Variants in HMGN4 observed in about 807,000 individuals in gnomAD.
HMGN4 encodes high mobility group nucleosome-binding domain-containing protein 4.
For missense variants in HMGN4, 69 were observed against 104.9 expected, an observed-to-expected ratio of 0.66 and a Z score of 1.49; for synonymous variants, 39 against 39.1, an observed-to-expected ratio of 1.00 and a Z score of 0.01.
Position 26,545,304 on chromosome 6 carries a change from C to T in HMGN4, c.98C>T (p.Ala33Val), listed in dbSNP as rs34905463. ...TCAGCTCGGTTGTCTGCTAAACCAG[C>T]TCCTCCAAAACCAGAGCCCAGGCCT... ...RRSARLSAKP[A>V]PPKPEPRPKK... Residue 33 changes from alanine (A) to valine (V), a missense_variant, in exon 2 of 2, where the codon GCT (alanine) becomes GTT (valine). By Grantham distance (64) the Ala-to-Val change is moderately conservative. Transcript: ENST00000377575. 585 of 1,614,152 alleles carry T rather than the reference C, an allele frequency of 3.6e-4. 2 individuals carry two copies. In the African/African-American group the frequency reaches 6.3e-3, roughly 18 times the overall value.
At position 26,546,646 on chromosome 6, in the gene HMGN4, A is replaced by G. The variant is rs953482470; in HGVS notation, c.*1167A>G. 6.6e-6 allele frequency among the ~76,000 whole-genome samples: 1 copy of G among 152,128 alleles called. No individual in the cohort carries two copies. The highest frequency in any genetic ancestry group is 2.4e-5 in the African/African-American group (1 of 41,410). On this transcript the variant is annotated 3_prime_UTR_variant, in exon 2 of 2. Transcript: ENST00000377575. ...CCACATTTTGTCATAATTGTAACCA[A>G]TTTCACCTCTGTCTCCAGTATCACC... is the stretch of plus-strand genomic sequence containing the variant.
intron 1 of HMGN4, among the ~76,000 whole-genome samples, chr6:26,538,974 T>C (rs373238084): frequency 1.6e-3 from 247 of 152,322 alleles, no homozygotes; most frequent in Non-Finnish European, 2.9e-3. Context: ...GACCTTTTGC[T>C]ATTCCATCAC....
At position 26,543,421 on chromosome 6, in the gene HMGN4, C is replaced by CTT. The variant is rs70977285; in HGVS notation, c.-80-1689_-80-1688dup. On this transcript the variant is annotated intron_variant, in intron 1 of 1. Transcript: ENST00000377575. Reference sequence around the variant, plus strand: ...CTGTATGTCTCAGTGGCACCATTACCTTTTTTTTTTTTTTTTTTGAAGCAG... The same window carrying CTT: ...CTGTATGTCTCAGTGGCACCATTACCTTTTTTTTTTTTTTTTTTTTGAAGCAG... Among the ~76,000 whole-genome samples, 64 of 80,136 alleles carry CTT rather than the reference C, an allele frequency of 8.0e-4. 4 individuals carry two copies. The highest frequency in any genetic ancestry group is 3.2e-3 in the African/African-American group (56 of 17,692). The allele number at this position is 80,136 out of a possible 152,430, so 52.6% of individuals were successfully genotyped here. A position where few individuals can be genotyped will look rare whatever the true frequency, so the allele number is the denominator to read the frequency against.
chr6:26,539,099 C>T (rs749628512), intron 1 of HMGN4, among the ~76,000 whole-genome samples: 4 of 152,190 alleles, frequency 2.6e-5, no homozygotes, highest in Non-Finnish European at 5.9e-5. Context: ...ACAAGTTAAT[C>T]GGATTAATCA....
At chr6:26,543,958 C>T (rs1004201494) in intron 1 of HMGN4, among the ~76,000 whole-genome samples, 5 of 152,036 alleles carry the variant, frequency 3.3e-5, no homozygotes, top group African/African-American at 1.2e-4. Context: ...TGAATGCCAG[C>T]CCTAGGCCTA....
chr6:26,538,552 T>TG (rs397729862), intron 1 of HMGN4, 51 bp downstream of exon 1: 71,704 of 151,628 alleles, frequency 0.47, 17,110 homozygotes, highest in East Asian at 0.69. Flanking sequence ...AGGGGCGTGG[T>TG]GGGGGGGGTC....
chr6:26,544,000 C>A (rs1764319978), intron 1 of HMGN4, among the ~76,000 whole-genome samples: 1 of 152,068 alleles, frequency 6.6e-6, no homozygotes, highest in East Asian at 1.9e-4. Context: ...AACTATTTTC[C>A]ATTTCCTACC....
intron 1 of HMGN4, 57 bp from the exon 2 acceptor site, chr6:26,545,070 C>T (rs1267662183): frequency 8.1e-6 from 5 of 616,612 alleles, no homozygotes; most frequent in African/African-American, 3.8e-5. Flanking sequence ...TGATTTTTAA[C>T]GTTTACATTC....
intron 1 of HMGN4, among the ~76,000 whole-genome samples, chr6:26,540,386 G>T (rs1405099768): frequency 6.6e-6 from 1 of 150,892 alleles, no homozygotes; most frequent in African/African-American, 2.4e-5. Flanking sequence ...CCAGGCTGGA[G>T]TGCAGTGGCA....
rs142518878 is a variant in HMGN4, at chr6:26,545,417, A to G, written c.211A>G (p.Lys71Glu). 1.9e-6 allele frequency: 3 copies of G among 1,609,774 alleles called. No homozygotes were observed. The highest frequency in any genetic ancestry group is 2.7e-5 in the African/African-American group (2 of 74,434). The change falls in exon 2 of 2, where the codon AAA becomes GAA. Residue 71 changes from lysine to glutamate, a missense_variant. By Grantham distance (56) the Lys-to-Glu change is moderately conservative. Transcript: ENST00000377575. ...TGGAAAGGATGGGAACAACCCTGCA[A>G]AAAACCGAGATGCCTCTACACTCCA... ...DAGKDGNNPA[K>E]NRDASTLQSQ... is the part of the protein sequence containing the mutation.
Position 26,545,326 on chromosome 6 carries a change from GCCT to G in HMGN4, c.121_123del (p.Pro41del). On this transcript the variant is annotated inframe_deletion, in exon 2 of 2. Coordinates refer to ENST00000377575, the MANE Select transcript of HMGN4 (RefSeq NM_006353.3). ...CAGCTCCTCCAAAACCAGAGCCCAG[GCCT>G]AAAAAGGCCTCTGCAAAGAAGGGAG... 6.2e-7 allele frequency: 1 copy of G among 1,614,124 alleles called. No individual in the cohort carries two copies. The highest frequency in any genetic ancestry group is 8.5e-7 in the Non-Finnish European group (1 of 1,180,014).
rs748353798 is a variant in HMGN4 at position 26,545,286 on chromosome 6, G to T, written c.80G>T (p.Arg27Leu). 4.3e-6 allele frequency: 7 copies of T among 1,613,976 alleles called. No homozygotes were observed. The highest frequency in any genetic ancestry group is 5.9e-6 in the Non-Finnish European group (7 of 1,180,032). The part of the protein sequence containing the change: ...VKDEPQRRSA[R>L]LSAKPAPPKP... ...GATGAGCCACAGAGGAGATCAGCTC[G>T]GTTGTCTGCTAAACCAGCTCCTCCA... The change falls in exon 2 of 2, where the codon CGG (arginine) becomes CTG (leucine). Residue 27 changes from arginine (R) to leucine (L), a missense_variant. Physicochemically the swap from Arg to Leu is moderately radical, Grantham distance 102. Transcript: ENST00000377575.
rs1764293127 is a variant in HMGN4 at position 26,542,121 on chromosome 6, T to A, written c.-80-3006T>A. Among the ~76,000 whole-genome samples, 1 of 152,204 alleles carries A rather than the reference T, an allele frequency of 6.6e-6. No individual in the cohort carries two copies. The highest frequency in any genetic ancestry group is 1.5e-5 in the Non-Finnish European group (1 of 68,020). On this transcript the variant is annotated intron_variant, in intron 1 of 1. Coordinates refer to ENST00000377575, the MANE Select transcript of HMGN4 (RefSeq NM_006353.3). This position sits in a 1 kb window ranked among gnomAD's most constrained non-coding sequence, Gnocchi z 4.6. Reference sequence around the variant, plus strand: ...TAATTTTTCTTTTCTTCCACATGCATGAAGGAGTATTTGTAATGACTTTTA... The same window carrying A: ...TAATTTTTCTTTTCTTCCACATGCAAGAAGGAGTATTTGTAATGACTTTTA...
rs377540622 is a variant in HMGN4 at position 26,545,315 on chromosome 6, C to A, written c.109C>A (p.Pro37Thr). Reference sequence around the variant, plus strand: ...GTCTGCTAAACCAGCTCCTCCAAAACCAGAGCCCAGGCCTAAAAAGGCCTC... The same window carrying A: ...GTCTGCTAAACCAGCTCCTCCAAAAACAGAGCCCAGGCCTAAAAAGGCCTC... ...RLSAKPAPPK[P>T]EPRPKKASAK... The change falls in exon 2 of 2, where the codon CCA becomes ACA. Residue 37 changes from proline to threonine, a missense_variant. Coordinates refer to ENST00000377575, the MANE Select transcript of HMGN4 (RefSeq NM_006353.3). 1 of 1,614,110 alleles carries A rather than the reference C, an allele frequency of 6.2e-7. No homozygotes were observed. The highest frequency in any genetic ancestry group is 8.5e-7 in the Non-Finnish European group (1 of 1,180,030).
rs756727669 is a variant in HMGN4, at chr6:26,545,187, C to T, written c.-20C>T. 1 of 1,579,934 alleles carries T rather than the reference C, an allele frequency of 6.3e-7. No individual in the cohort carries two copies. Among genetic ancestry groups the T allele is most frequent in the Admixed American group, 1.8e-5 (1 of 54,768 alleles). The stretch of plus-strand genomic sequence containing the variant: ...CACCCAACAGGACTGCTCAAGCCAC[C>T]TGCGAACACTGCTGCTACCATGCCC... On this transcript the variant is annotated 5_prime_UTR_variant, in exon 2 of 2. Coordinates refer to ENST00000377575, the MANE Select transcript of HMGN4 (RefSeq NM_006353.3).
Position 26,545,602 on chromosome 6 carries a change from G to C in HMGN4, c.*123G>C. 1 of 771,786 alleles carries C rather than the reference G, an allele frequency of 1.3e-6. No individual in the cohort carries two copies. Among genetic ancestry groups the C allele is most frequent in the Non-Finnish European group, 1.9e-6 (1 of 513,930 alleles). The allele number at this position is 771,786 out of a possible 1,614,324, so 47.8% of individuals were successfully genotyped here. A position where few individuals can be genotyped will look rare whatever the true frequency, so the allele number is the denominator to read the frequency against. ...TTTTAAGTTATGTTGTTAGCACACA[G>C]GACACTTCCTTGTTGTCTTTTGTGG... On this transcript the variant is annotated 3_prime_UTR_variant, in exon 2 of 2. Coordinates refer to ENST00000377575, the MANE Select transcript of HMGN4 (RefSeq NM_006353.3).
Position 26,546,745 on chromosome 6 carries a change from A to G in HMGN4, c.*1266A>G, listed in dbSNP as rs1764355019. 6.6e-6 allele frequency among the ~76,000 whole-genome samples: 1 copy of G among 152,220 alleles called. No individual in the cohort carries two copies. The highest frequency in any genetic ancestry group is 2.4e-5 in the African/African-American group (1 of 41,464). The stretch of plus-strand genomic sequence containing the variant: ...TCCTCCATATTACTTCTAGAATTAG[A>G]CCAACAATTTATAAATCAAACAAAC... On this transcript the variant is annotated 3_prime_UTR_variant, in exon 2 of 2. Transcript: ENST00000377575.
rs537223498 is a variant in HMGN4, at chr6:26,545,339, T to A, written c.133T>A (p.Ser45Thr). The change falls in exon 2 of 2, where the codon TCT (serine) becomes ACT (threonine). Residue 45 changes from serine to threonine, a missense_variant. Transcript: ENST00000377575. ...PKPEPRPKKA[S>T]AKKGEKLPKG... ...ACCAGAGCCCAGGCCTAAAAAGGCC[T>A]CTGCAAAGAAGGGAGAGAAGCTTCC... is the stretch of plus-strand genomic sequence containing the variant. The A allele has an allele frequency of 6.2e-7, 1 of 1,614,050 alleles. No homozygotes were observed. Among genetic ancestry groups the A allele is most frequent in the South Asian group, 1.1e-5 (1 of 91,078 alleles).
At chr6:26,541,265 C>T (rs1445044420) in intron 1 of HMGN4, among the ~76,000 whole-genome samples, 2 of 152,022 alleles carry the variant, frequency 1.3e-5, no homozygotes, top group Admixed American at 6.5e-5. Context: ...AGGCTGGTCT[C>T]GAACTTCTGA....
Sources: gnomAD v4.1 joint callset for allele counts (sites outside exome capture counted in the v4.1 genomes callset) on GRCh38, gnomAD v4.1.1 for gene constraint, Gnocchi (gnomAD v3.1) non-coding constraint, MANE v1.5 for transcripts, NCBI Gene and HGNC (gene_info 2026-07-23, HGNC 2026-07-21) for gene names.